Variants in ANK3 observed in about 807,000 individuals in gnomAD.
The protein encoded by ANK3 is ankyrin-3.
In ANK3, 57 loss-of-function variants were observed where a neutral mutation model predicts 370.9. The observed-to-expected ratio is 0.15, with a 90% confidence interval of 0.12 to 0.19. ANK3 has a LOEUF of 0.19. Among genes scored for constraint, ANK3 ranks in the 10% least tolerant of loss-of-function variants. The pLI, the probability that ANK3 is intolerant of heterozygous loss-of-function variation, is 1.00. For synonymous variants in ANK3, 1,929 were observed against 1,946.3 expected, an observed-to-expected ratio of 0.99 and a Z score of 0.23; for missense variants, 4,439 against 5,302.1, an observed-to-expected ratio of 0.84 and a Z score of 5.06.
chr10:60,088,533 C>A (rs1411802587), intron 28 of ANK3, among the ~76,000 whole-genome samples, 175 bp from the exon 29 acceptor site: 4 of 152,148 alleles, frequency 2.6e-5, no homozygotes, highest in African/African-American at 4.8e-5. Context: ...TCAAGTGATT[C>A]TCCTGCCTCA....
chr10:60,094,347 C>G (rs1378237314), intron 28 of ANK3, among the ~76,000 whole-genome samples: 1 of 151,938 alleles, frequency 6.6e-6, no homozygotes, highest in Admixed American at 6.6e-5. Context: ...GCTACCATGC[C>G]CAGCTAATTT....
intron 25 of ANK3, 102 bp downstream of exon 25, chr10:60,134,169 C>A: frequency 3.2e-6 from 3 of 944,580 alleles, no homozygotes; most frequent in South Asian, 1.7e-5. Context: ...AATGTAAAAT[C>A]AAACATGCAG....
chr10:60,642,498 T>A (rs916929803), intron 1 of ANK3, among the ~76,000 whole-genome samples: 3 of 152,056 alleles, frequency 2.0e-5, no homozygotes, highest in Non-Finnish European at 2.9e-5. Context: ...TGGATGAAAT[T>A]GGAAATCATC....
At chr10:60,563,492 A>T (rs1009798364) in intron 2 of ANK3, among the ~76,000 whole-genome samples, 2 of 152,194 alleles carry the variant, frequency 1.3e-5, no homozygotes, top group Admixed American at 6.5e-5. Flanking sequence ...TATTATGAAC[A>T]TCCCCAGCAG....
intron 42 of ANK3, among the ~76,000 whole-genome samples, chr10:60,052,110 C>T (rs777352392): frequency 9.2e-5 from 14 of 152,084 alleles, no homozygotes; most frequent in Non-Finnish European, 1.5e-4. Context: ...CCTGTAATCC[C>T]AGCACTTTGG....
chr10:60,200,210 C>T lies in ANK3; in HGVS notation c.1410G>A (p.Leu470=), dbSNP rs757234705. 6 of 1,614,082 alleles carry T rather than the reference C, an allele frequency of 3.7e-6. No homozygotes were observed. The highest frequency in any genetic ancestry group is 1.7e-5 in the Admixed American group (1 of 60,010). Residue 470 remains leucine (L), a synonymous_variant, in exon 13 of 44, where the codon CTG becomes CTA. Coordinates refer to ENST00000280772, the MANE Select transcript of ANK3 (RefSeq NM_020987.5). ...NTTNVRGETA[L]HMAARSGQAE... Reference sequence around the variant, plus strand: ...CTTGGCCGGAGCGAGCTGCCATGTGCAGTGCTGTTTCTCCTCTCTGGGGAA... The same window carrying T: ...CTTGGCCGGAGCGAGCTGCCATGTGTAGTGCTGTTTCTCCTCTCTGGGGAA...
intron 8 of ANK3, among the ~76,000 whole-genome samples, chr10:60,222,472 C>A (rs772348293): frequency 6.6e-6 from 1 of 151,536 alleles, no homozygotes; most frequent in Non-Finnish European, 1.5e-5. Context: ...TTCCACTTCA[C>A]TCCACTTTTT....
At chr10:60,064,668 C>CACAACAACAACAACA (rs56381045) in intron 38 of ANK3, among the ~76,000 whole-genome samples, 4 of 110,432 alleles carry the variant, frequency 3.6e-5, no homozygotes, top group Non-Finnish European at 5.5e-5. Context: ...TCTCCATACA[C>CACAACAACAACAACA]ACAGCAACAA....
At chr10:60,632,838 T>C (rs2133341820) in intron 1 of ANK3, among the ~76,000 whole-genome samples, 1 of 151,836 alleles carries the variant, frequency 6.6e-6, no homozygotes, top group Middle Eastern at 3.4e-3. Flanking sequence ...GCCATGGTCG[T>C]ACCACTGCAC....
At chr10:60,532,911 G>A (rs1384680159) in intron 2 of ANK3, among the ~76,000 whole-genome samples, 5 of 152,030 alleles carry the variant, frequency 3.3e-5, no homozygotes, top group African/African-American at 9.7e-5. Flanking sequence ...TAAGAGGAGT[G>A]GCTGAATGTT....
intron 2 of ANK3, among the ~76,000 whole-genome samples, chr10:60,450,066 G>A (rs1482839087): frequency 6.6e-6 from 1 of 152,148 alleles, no homozygotes; most frequent in East Asian, 1.9e-4. Flanking sequence ...GGAGGCCAAG[G>A]CAGAAGAATT....
At chr10:60,133,965 C>A (rs1317200602) in intron 25 of ANK3, among the ~76,000 whole-genome samples, 2 of 152,060 alleles carry the variant, frequency 1.3e-5, no homozygotes, top group African/African-American at 2.4e-5. Context: ...CTTCAGCTAC[C>A]AATGATTATT....
intron 2 of ANK3, among the ~76,000 whole-genome samples, chr10:60,499,910 GC>G (rs1287159278): frequency 2.6e-5 from 4 of 151,926 alleles, no homozygotes; most frequent in Admixed American, 2.0e-4. Flanking sequence ...CCACCCCCAA[GC>G]CCCATCCTAT....
intron 2 of ANK3, among the ~76,000 whole-genome samples, chr10:60,592,783 T>G (rs1290149418): frequency 1.3e-5 from 2 of 151,886 alleles, no homozygotes; most frequent in Non-Finnish European, 2.9e-5. Flanking sequence ...AAAAAGAAAT[T>G]TAGACTGAAT....
intron 7 of ANK3, among the ~76,000 whole-genome samples, chr10:60,252,425 A>G (rs2097683083): frequency 6.6e-6 from 1 of 152,208 alleles, no homozygotes; most frequent in South Asian, 2.1e-4. Flanking sequence ...AAAATTCTAC[A>G]GCTAATGAAT....
intron 1 of ANK3, among the ~76,000 whole-genome samples, chr10:60,352,301 A>G (rs900564644): frequency 6.6e-6 from 1 of 152,214 alleles, no homozygotes; most frequent in African/African-American, 2.4e-5. Context: ...CTCCGTCTCA[A>G]ATAAATAGCA....
chr10:60,647,933 T>A (rs1384111737), intron 1 of ANK3, among the ~76,000 whole-genome samples: 1 of 148,876 alleles, frequency 6.7e-6, no homozygotes, highest in Non-Finnish European at 1.5e-5. Context: ...CTGCAACCTC[T>A]GCCTCCCAGG....
intron 1 of ANK3, among the ~76,000 whole-genome samples, chr10:60,723,762 A>T (rs1056809936): frequency 6.6e-6 from 1 of 152,098 alleles, no homozygotes; most frequent in African/African-American, 2.4e-5. Context: ...AATTATAGCC[A>T]TTTTCTATAA....
chr10:60,403,386 A>T (rs533608921), intron 2 of ANK3, among the ~76,000 whole-genome samples: 1 of 152,214 alleles, frequency 6.6e-6, no homozygotes, highest in Non-Finnish European at 1.5e-5. Context: ...TAAGCAAATT[A>T]CAGATATGCA....
Sources: gnomAD v4.1 joint callset for allele counts (sites outside exome capture counted in the v4.1 genomes callset) on GRCh38, gnomAD v4.1.1 for gene constraint, MANE v1.5 for transcripts, NCBI Gene and HGNC (gene_info 2026-07-23, HGNC 2026-07-21) for gene names.